The following PVT1 variants were observed in gnomAD, a reference collection of about 807,000 sequenced individuals.
PVT1 encodes CXCR4/PVT1 fusion.
intron 2 of PVT1, among the ~76,000 whole-genome samples, chr8:127,880,801 A>G (rs1049232710): frequency 6.1e-4 from 93 of 151,574 alleles, no homozygotes; most frequent in African/African-American, 2.1e-3. Flanking sequence ...GGGTTTTGCC[A>G]TGCTGGCCAG....
chr8:127,996,387 C>T (rs1817104160), intron 4 of PVT1, among the ~76,000 whole-genome samples: 2 of 151,584 alleles, frequency 1.3e-5, no homozygotes, highest in African/African-American at 4.8e-5. Context: ...GTCACCCTCC[C>T]AGAGCTGGTT....
At chr8:128,012,572 C>T (rs1405860768) in intron 4 of PVT1, among the ~76,000 whole-genome samples, 4 of 152,060 alleles carry the variant, frequency 2.6e-5, no homozygotes, top group Non-Finnish European at 5.9e-5. Context: ...CAACGTTGGC[C>T]CTGTTGGGTG....
chr8:127,818,676 T>C (rs1179261777), intron 2 of PVT1, among the ~76,000 whole-genome samples: 3 of 152,194 alleles, frequency 2.0e-5, no homozygotes, highest in Non-Finnish European at 2.9e-5. Flanking sequence ...TTGATTTGAA[T>C]TCCCCCTCTG....
chr8:128,055,764 G>T (rs1813755281), intron 4 of PVT1, among the ~76,000 whole-genome samples: 1 of 152,202 alleles, frequency 6.6e-6, no homozygotes, highest in South Asian at 2.1e-4. Flanking sequence ...CATCTGTCTT[G>T]CCATGAGGTC....
At chr8:127,834,652 A>C (rs1158804385) in intron 2 of PVT1, among the ~76,000 whole-genome samples, 1 of 152,190 alleles carries the variant, frequency 6.6e-6, no homozygotes, top group Non-Finnish European at 1.5e-5. Flanking sequence ...AATGGGAGAA[A>C]ATTTTTGCAA....
chr8:128,027,237 CCT>C (rs766748456), intron 4 of PVT1, among the ~76,000 whole-genome samples: 1 of 152,208 alleles, frequency 6.6e-6, no homozygotes, highest in Non-Finnish European at 1.5e-5. Context: ...TCCTCCTCCC[CCT>C]GTTGTATTCC....
chr8:127,972,642 G>A (rs917070881), intron 3 of PVT1, among the ~76,000 whole-genome samples: 1 of 152,206 alleles, frequency 6.6e-6, no homozygotes, highest in Non-Finnish European at 1.5e-5. Flanking sequence ...AAGAGGCTAA[G>A]GCAGGAGGAT....
intron 3 of PVT1, among the ~76,000 whole-genome samples, chr8:127,900,365 T>A (rs6999307): frequency 0.12 from 18,175 of 148,424 alleles, 3,382 homozygotes; most frequent in African/African-American, 0.41. Context: ...TAAAGAAATT[T>A]AAAAAAAAAA....
chr8:128,072,129 C>A (rs906649644), intron 5 of PVT1, among the ~76,000 whole-genome samples: 2 of 152,092 alleles, frequency 1.3e-5, no homozygotes, highest in African/African-American at 4.8e-5. Context: ...GTAGCAGGGC[C>A]ATGATTTGAA....
intron 5 of PVT1, among the ~76,000 whole-genome samples, chr8:128,075,126 A>G (rs1203811839): frequency 1.3e-5 from 2 of 152,212 alleles, no homozygotes; most frequent in African/African-American, 4.8e-5. Flanking sequence ...AACTGTTGTC[A>G]TAATACTCTT....
intron 3 of PVT1, among the ~76,000 whole-genome samples, chr8:127,927,152 C>T (rs926136131): frequency 6.6e-6 from 1 of 152,190 alleles, no homozygotes; most frequent in African/African-American, 2.4e-5. Flanking sequence ...CTTCTCTAAC[C>T]GGGAACTTCT....
intron 2 of PVT1, among the ~76,000 whole-genome samples, chr8:127,796,905 T>G (rs908297957): frequency 2.2e-4 from 31 of 138,876 alleles, no homozygotes; most frequent in African/African-American, 7.9e-4. Flanking sequence ...TGAGACAGAG[T>G]TTCACTCTTG....
At chr8:128,090,575 G>T (rs560932270) in intron 5 of PVT1, among the ~76,000 whole-genome samples, 4 of 152,226 alleles carry the variant, frequency 2.6e-5, no homozygotes, top group African/African-American at 7.2e-5. Flanking sequence ...AGGAGGATGG[G>T]GGGCTGAGGA....
At chr8:128,060,754 G>A (rs1229422444) in intron 4 of PVT1, among the ~76,000 whole-genome samples, 7 of 152,082 alleles carry the variant, frequency 4.6e-5, no homozygotes, top group African/African-American at 1.7e-4. Context: ...GATTCTGAAT[G>A]TTCTTTTTTC....
At chr8:127,886,395 C>T (rs1287443748) in intron 2 of PVT1, among the ~76,000 whole-genome samples, 1 of 152,174 alleles carries the variant, frequency 6.6e-6, no homozygotes, top group Non-Finnish European at 1.5e-5. Flanking sequence ...TCCCTTCCCA[C>T]CCCCGATATT....
intron 3 of PVT1, among the ~76,000 whole-genome samples, chr8:127,891,730 A>C (rs1000316734): frequency 5.3e-5 from 8 of 152,202 alleles, no homozygotes; most frequent in Non-Finnish European, 1.5e-5. Flanking sequence ...GAGCAGAGCC[A>C]GGGAGGCAGT....
At chr8:127,869,317 G>A (rs992387318) in intron 2 of PVT1, among the ~76,000 whole-genome samples, 2 of 151,998 alleles carry the variant, frequency 1.3e-5, no homozygotes, top group Non-Finnish European at 2.9e-5. Context: ...TTTTAGTAGA[G>A]ATGGAGTTTC....
intron 2 of PVT1, among the ~76,000 whole-genome samples, chr8:127,881,638 G>T (rs1442320140): frequency 6.6e-6 from 1 of 151,600 alleles, no homozygotes; most frequent in Non-Finnish European, 1.5e-5. Context: ...TGTATTTTTG[G>T]TAGCGATGGA....
intron 4 of PVT1, among the ~76,000 whole-genome samples, chr8:128,035,613 C>A (rs1265964085): frequency 6.6e-6 from 1 of 152,156 alleles, no homozygotes; most frequent in Non-Finnish European, 1.5e-5. Context: ...ATCCCTGGGA[C>A]CTTCGACTGT....
Sources: gnomAD v4.1 joint callset for allele counts (sites outside exome capture counted in the v4.1 genomes callset) on GRCh38, gnomAD v4.1.1 for gene constraint, MANE v1.5 for transcripts, NCBI Gene and HGNC (gene_info 2026-07-23, HGNC 2026-07-21) for gene names.